The following PCDH15 variants were observed in gnomAD, a reference collection of about 807,000 sequenced individuals.
PCDH15 encodes the protein protocadherin related 15.
PCDH15 carries 129 observed loss-of-function variants against 178.5 expected under a neutral mutation model. The ratio of observed to expected loss-of-function variants is 0.72; its 90% CI spans 0.63 to 0.84. PCDH15 has a LOEUF of 0.84. Ranked by LOEUF, PCDH15 falls within the 40% of genes least tolerant of loss-of-function variation. The pLI, the probability that PCDH15 is intolerant of heterozygous loss-of-function variation, is 0.00. For missense variants in PCDH15, 2,230 were observed against 2,099.9 expected (o/e 1.06, Z -1.21); for synonymous variants, 800 against 732.0 (o/e 1.09, Z -1.50).
At chr10:54,965,303 C>T (rs1324094393) in intron 2 of PCDH15, among the ~76,000 whole-genome samples, 1 of 152,100 alleles carries the variant, frequency 6.6e-6, no homozygotes, top group Non-Finnish European at 1.5e-5. Flanking sequence ...GGGAAGGAAC[C>T]AGTGGGAGGT....
chr10:54,897,078 G>T (rs1954559055), intron 3 of PCDH15, among the ~76,000 whole-genome samples: 1 of 152,114 alleles, frequency 6.6e-6, no homozygotes. Flanking sequence ...GTTGGATTTG[G>T]ATAAATGTTT....
chr10:54,124,412 T>C (rs892719310), intron 15 of PCDH15, among the ~76,000 whole-genome samples: 12 of 152,072 alleles, frequency 7.9e-5, no homozygotes, highest in Non-Finnish European at 1.3e-4. Context: ...AAACAGACGG[T>C]GATGATGTTG....
intron 5 of PCDH15, among the ~76,000 whole-genome samples, chr10:54,352,499 G>A (rs995127867): frequency 4.6e-5 from 7 of 152,098 alleles, no homozygotes; most frequent in African/African-American, 1.7e-4. Flanking sequence ...AGGAAAAATG[G>A]AGAATATCTG....
intron 1 of PCDH15, among the ~76,000 whole-genome samples, chr10:55,170,750 C>G (rs776297999): frequency 3.9e-5 from 6 of 152,182 alleles, no homozygotes; most frequent in Admixed American, 2.0e-4. Flanking sequence ...GGCGTGGTGG[C>G]ATGCGCCTGT....
At chr10:54,517,779 CACCT>C (rs2138045401) in intron 3 of PCDH15, among the ~76,000 whole-genome samples, 1 of 152,250 alleles carries the variant, frequency 6.6e-6, no homozygotes, top group African/African-American at 2.4e-5. Flanking sequence ...CACCACACCA[CACCT>C]ATTCCAAAAT....
At chr10:54,233,233 C>A (rs1313782273) in intron 9 of PCDH15, among the ~76,000 whole-genome samples, 1 of 152,162 alleles carries the variant, frequency 6.6e-6, no homozygotes, top group East Asian at 1.9e-4. Flanking sequence ...TGTGAGTCAC[C>A]ACAGATGGCC....
At chr10:54,383,419 A>G (rs1275218848) in intron 3 of PCDH15, among the ~76,000 whole-genome samples, 2 of 152,198 alleles carry the variant, frequency 1.3e-5, no homozygotes, top group African/African-American at 4.8e-5. Context: ...AATGCTTATT[A>G]GTACTTATTA....
At chr10:55,465,489 C>G (rs558316779) in intron 2 of PCDH15, among the ~76,000 whole-genome samples, 5 of 152,216 alleles carry the variant, frequency 3.3e-5, no homozygotes, top group African/African-American at 1.2e-4. Context: ...TAAAATGTAC[C>G]AATGCCAGCC....
At chr10:54,747,628 G>A (rs1945634213) in intron 1 of PCDH15, among the ~76,000 whole-genome samples, 1 of 151,992 alleles carries the variant, frequency 6.6e-6, no homozygotes, top group South Asian at 2.1e-4. Context: ...CCAATGGGAG[G>A]AACTCATTTT....
intron 3 of PCDH15, among the ~76,000 whole-genome samples, chr10:54,833,695 G>C (rs1047936097): frequency 1.3e-5 from 2 of 152,146 alleles, no homozygotes; most frequent in African/African-American, 2.4e-5. Context: ...TCCCCTGTTA[G>C]TCTCTCTATC....
At chr10:54,216,907 G>C (rs544669337) in intron 9 of PCDH15, among the ~76,000 whole-genome samples, 2 of 152,146 alleles carry the variant, frequency 1.3e-5, no homozygotes, top group East Asian at 3.9e-4. Context: ...CAAATGTAAT[G>C]ATAAATGATA....
intron 23 of PCDH15, among the ~76,000 whole-genome samples, chr10:53,951,299 G>A (rs972276843): frequency 1.1e-4 from 16 of 151,998 alleles, no homozygotes; most frequent in East Asian, 5.8e-4. Flanking sequence ...GATATTACCC[G>A]GACTTAATTC....
At chr10:54,176,568 T>C (rs759288940) in intron 13 of PCDH15, among the ~76,000 whole-genome samples, 3 of 152,172 alleles carry the variant, frequency 2.0e-5, no homozygotes, top group Non-Finnish European at 4.4e-5. Flanking sequence ...CATGAAGGGA[T>C]GTAGCAGGAG....
intron 2 of PCDH15, among the ~76,000 whole-genome samples, chr10:55,548,214 A>G (rs879381505): frequency 0.096 from 6,387 of 66,288 alleles, 193 homozygotes; most frequent in Non-Finnish European, 0.11. Context: ...CCTAATGCAC[A>G]CACACACACA....
intron 1 of PCDH15, among the ~76,000 whole-genome samples, chr10:55,172,577 C>T (rs1216906555): frequency 6.6e-6 from 1 of 151,870 alleles, no homozygotes; most frequent in African/African-American, 2.4e-5. Context: ...ATTTAAAAGG[C>T]CTTCTAATAC....
intron 2 of PCDH15, among the ~76,000 whole-genome samples, chr10:54,549,148 G>A (rs1226628021): frequency 6.6e-6 from 1 of 150,994 alleles, no homozygotes; most frequent in Non-Finnish European, 1.5e-5. Flanking sequence ...GCTTTGTTAA[G>A]TCTGCATTAT....
chr10:55,300,165 G>A (rs980687492), intron 1 of PCDH15, among the ~76,000 whole-genome samples: 1 of 152,006 alleles, frequency 6.6e-6, no homozygotes, highest in African/African-American at 2.4e-5. Context: ...CCCTACATTA[G>A]CCTCTGAAAT....
chr10:54,531,911 C>T (rs2083966715), intron 2 of PCDH15, among the ~76,000 whole-genome samples: 1 of 152,256 alleles, frequency 6.6e-6, no homozygotes, highest in South Asian at 2.1e-4. Flanking sequence ...CAGTGAATGG[C>T]ATAATTCTGC....
chr10:54,400,515 T>G lies in PCDH15; in HGVS notation c.158-21573A>C, dbSNP rs541050908. Among the ~76,000 whole-genome samples, 8 of 152,188 alleles carry G rather than the reference T, an allele frequency of 5.3e-5. No homozygotes were observed. In the South Asian group the frequency reaches 1.7e-3, roughly 32 times the overall value. On this transcript the variant is annotated intron_variant, in intron 3 of 37. Transcript: ENST00000644397. ...TGTCATATATATTTTAAAAGATGGT[T>G]ATAAAAGTCATCTGTCATTATTAAA...
Sources: allele counts gnomAD v4.1 joint callset (sites outside exome capture counted in the v4.1 genomes callset), GRCh38; gene constraint gnomAD v4.1.1; transcripts MANE v1.5; gene names NCBI Gene and HGNC (gene_info 2026-07-23, HGNC 2026-07-21).